Variants in MYO3A observed in about 807,000 individuals in gnomAD.
The protein encoded by MYO3A is myosin IIIA.
A neutral mutation model predicts 192.7 loss-of-function variants in MYO3A; 180 were observed. That is an observed-to-expected ratio of 0.93 (90% CI 0.83 to 1.06). The LOEUF (loss-of-function observed/expected upper bound fraction) is 1.06. Among genes scored for constraint, MYO3A ranks in the 50% least tolerant of loss-of-function variants. The pLI is 0.00. For missense variants in MYO3A, 1,896 were observed against 1,905.0 expected, an observed-to-expected ratio of 1.00 and a Z score of 0.09; for synonymous variants, 628 against 645.3, an observed-to-expected ratio of 0.97 and a Z score of 0.41.
At chr10:26,082,857 A>C (rs1836055043) in intron 14 of MYO3A, among the ~76,000 whole-genome samples, 1 of 151,934 alleles carries the variant, frequency 6.6e-6, no homozygotes, top group Non-Finnish European at 1.5e-5. Context: ...TGGTGCAACC[A>C]CTGACACCAA....
chr10:26,041,611 C>G (rs72793955), intron 10 of MYO3A, among the ~76,000 whole-genome samples: 4 of 151,656 alleles, frequency 2.6e-5, no homozygotes, highest in Non-Finnish European at 5.9e-5. Context: ...TGATTTGAGG[C>G]CACCACAAGG....
At chr10:25,960,904 A>G (rs1588663653) in intron 4 of MYO3A, among the ~76,000 whole-genome samples, 1 of 152,234 alleles carries the variant, frequency 6.6e-6, no homozygotes, top group East Asian at 1.9e-4. Flanking sequence ...ATAGGTTTGT[A>G]TTTTTAGCAA....
At chr10:26,153,981 G>C in intron 24 of MYO3A, 52 bp downstream of exon 24, 1 of 1,270,126 alleles carries the variant, frequency 7.9e-7, no homozygotes, top group Non-Finnish European at 1.1e-6. Flanking sequence ...TAACCGGTAT[G>C]ATGGCAATAT....
intron 10 of MYO3A, among the ~76,000 whole-genome samples, chr10:26,055,959 C>T (rs548899399): frequency 1.6e-4 from 25 of 152,308 alleles, no homozygotes; most frequent in African/African-American, 6.0e-4. Flanking sequence ...ACAAGGCATA[C>T]TAACAGGCAA....
At chr10:26,182,325 C>T (rs1429403393) in intron 31 of MYO3A, among the ~76,000 whole-genome samples, 4 of 152,184 alleles carry the variant, frequency 2.6e-5, no homozygotes, top group Non-Finnish European at 5.9e-5. Flanking sequence ...GCCATGCTGT[C>T]TCAAGCCACT....
intron 4 of MYO3A, among the ~76,000 whole-genome samples, chr10:25,989,658 A>C (rs1315095899): frequency 6.6e-6 from 1 of 150,442 alleles, no homozygotes; most frequent in Non-Finnish European, 1.5e-5. Flanking sequence ...GTAAGTATGC[A>C]ATTCATCTTA....
At chr10:26,118,312 A>G (rs1347859445) in intron 17 of MYO3A, among the ~76,000 whole-genome samples, 1 of 152,206 alleles carries the variant, frequency 6.6e-6, no homozygotes, top group Non-Finnish European at 1.5e-5. Context: ...AGTTATACAT[A>G]TTACAAATGC....
intron 34 of MYO3A, among the ~76,000 whole-genome samples, chr10:26,209,202 CCTAG>C (rs983646533): frequency 1.3e-5 from 2 of 152,186 alleles, no homozygotes; most frequent in African/African-American, 4.8e-5. Context: ...TTTCCACCCT[CCTAG>C]CTAAAGTGAA....
intron 6 of MYO3A, among the ~76,000 whole-genome samples, chr10:26,007,417 A>T (rs1841298310): frequency 4.0e-5 from 6 of 149,016 alleles, no homozygotes; most frequent in Admixed American, 2.7e-4. Context: ...AAGGGTATTC[A>T]GTTAGGAAAA....
intron 10 of MYO3A, among the ~76,000 whole-genome samples, chr10:26,052,991 G>A (rs1844094198): frequency 6.6e-6 from 1 of 152,092 alleles, no homozygotes; most frequent in South Asian, 2.1e-4. Flanking sequence ...TGGTTAACAA[G>A]TTGTACTTTT....
chr10:26,184,984 T>A (rs967898005), intron 31 of MYO3A, among the ~76,000 whole-genome samples: 3 of 152,244 alleles, frequency 2.0e-5, no homozygotes, highest in Non-Finnish European at 4.4e-5. Flanking sequence ...AATATTTGTA[T>A]GCTGATAAGC....
chr10:26,123,939 AAAAC>A (rs1255212985), intron 18 of MYO3A, among the ~76,000 whole-genome samples: 2 of 133,130 alleles, frequency 1.5e-5, no homozygotes, highest in East Asian at 2.0e-4. Context: ...CAAAAAACAA[AAAAC>A]AAACAAACAA....
intron 20 of MYO3A, among the ~76,000 whole-genome samples, chr10:26,135,902 G>A (rs1839819325): frequency 6.8e-6 from 1 of 147,640 alleles, no homozygotes; most frequent in South Asian, 2.2e-4. Flanking sequence ...GGGGCCAGAG[G>A]TTGCAGTGAG....
intron 26 of MYO3A, 94 bp downstream of exon 26, chr10:26,157,609 G>T (rs1285982664): frequency 2.3e-6 from 3 of 1,317,326 alleles, no homozygotes; most frequent in Non-Finnish European, 3.2e-6. Flanking sequence ...AATCTTTAGA[G>T]GTCTAGGAGG....
At chr10:26,061,528 T>G (rs1290697493) in intron 10 of MYO3A, among the ~76,000 whole-genome samples, 1 of 152,166 alleles carries the variant, frequency 6.6e-6, no homozygotes, top group Non-Finnish European at 1.5e-5. Flanking sequence ...GCTTGGTATA[T>G]TAAGAGCCCT....
chr10:26,135,677 TA>T (rs1453422252), intron 20 of MYO3A, among the ~76,000 whole-genome samples: 1 of 152,064 alleles, frequency 6.6e-6, no homozygotes, highest in African/African-American at 2.4e-5. Context: ...TGCCATGTCC[TA>T]AAGAACAGAA....
At chr10:26,088,939 G>T (rs560668174) in intron 15 of MYO3A, among the ~76,000 whole-genome samples, 1 of 152,104 alleles carries the variant, frequency 6.6e-6, no homozygotes, top group African/African-American at 2.4e-5. Flanking sequence ...TTCCTTTTGC[G>T]GGTTTGTAGC....
At chr10:26,116,415 A>G (rs188032586) in intron 17 of MYO3A, among the ~76,000 whole-genome samples, 1 of 152,322 alleles carries the variant, frequency 6.6e-6, no homozygotes, top group East Asian at 1.9e-4. Context: ...AGACACCAGT[A>G]TAGTAGATTA....
Position 26,070,356 on chromosome 10 carries a change from T to C in MYO3A, c.1314T>C (p.Thr438=). 6.2e-7 allele frequency: 1 copy of C among 1,613,352 alleles called. No individual in the cohort carries two copies. The highest frequency in any genetic ancestry group is 8.5e-7 in the Non-Finnish European group (1 of 1,179,500). The change falls in exon 14 of 35, where the codon ACT becomes ACC. Residue 438 remains threonine, a synonymous_variant. Coordinates refer to ENST00000642920, the MANE Select transcript of MYO3A (RefSeq NM_017433.5). ...CTGGAGAAAGTGGTGCTGGAAAGAC[T>C]GAAAATGCTCATCTTTTAGTTCAGC... ...VISGESGAGK[T]ENAHLLVQQL... is the part of the protein sequence containing the mutation.
Sources: allele counts gnomAD v4.1 joint callset (sites outside exome capture counted in the v4.1 genomes callset), GRCh38; gene constraint gnomAD v4.1.1; transcripts MANE v1.5; gene names NCBI Gene and HGNC (gene_info 2026-07-23, HGNC 2026-07-21).